The following HPN variants were observed in gnomAD, a reference collection of about 807,000 sequenced individuals.
The protein encoded by HPN is serine protease hepsin.
Under a neutral mutation model 55.9 loss-of-function variants are expected in HPN, and 13 were observed. The observed-to-expected ratio is 0.23, with a 90% CI of 0.15 to 0.37. The LOEUF (loss-of-function observed/expected upper bound fraction) is 0.37, where lower values mean the gene tolerates loss of function less well. Ranked by LOEUF, HPN falls within the 10% of genes least tolerant of loss-of-function variation. The pLI, the probability that HPN is intolerant of heterozygous loss-of-function variation, is 1.00. For missense variants in HPN, 451 were observed against 575.8 expected (o/e 0.78, Z 2.22); for synonymous variants, 225 against 240.3 (o/e 0.94, Z 0.59).
At chr19:35,045,337 C>T (rs548103650) in intron 2 of HPN, among the ~76,000 whole-genome samples, 108 of 152,148 alleles carry the variant, frequency 7.1e-4, no homozygotes, top group African/African-American at 2.4e-3. Flanking sequence ...AAATCAGGTG[C>T]GCCTGGTGTC....
intron 2 of HPN, among the ~76,000 whole-genome samples, chr19:35,044,966 G>A (rs1896540261): frequency 6.6e-6 from 1 of 152,108 alleles, no homozygotes; most frequent in Non-Finnish European, 1.5e-5. Context: ...TGTCGGGGGA[G>A]GGGAATGTTA....
At chr19:35,049,854 TTTGTTTG>T (rs947362138) in intron 4 of HPN, among the ~76,000 whole-genome samples, 8 of 93,472 alleles carry the variant, frequency 8.6e-5, no homozygotes, top group African/African-American at 2.8e-4. Flanking sequence ...TATGCTAATT[TTTGTTTG>T]TTTTTTTTTT....
intron 9 of HPN, 119 bp from the exon 10 acceptor site, chr19:35,065,131 T>G: frequency 1.5e-6 from 1 of 647,428 alleles, no homozygotes. Context: ...CTATTGTGGT[T>G]TTTTTTTTAA....
rs376770630 is a variant in HPN at position 35,045,874 on chromosome 19, C to T, written c.16+3352C>T. ...CAGATGCTTCCTGTCCCACTGGAGG[C>T]GCTGAAGTCCTCTGAACCACACAGC... is the stretch of plus-strand genomic sequence containing the variant. On this transcript the variant is annotated intron_variant, in intron 2 of 12. Coordinates refer to ENST00000672452, the MANE Select transcript of HPN (RefSeq NM_001384133.1). 7.2e-5 allele frequency among the ~76,000 whole-genome samples: 11 copies of T among 152,288 alleles called. No individual in the cohort carries two copies. In the East Asian group the frequency reaches 1.4e-3, roughly 19 times the overall value.
intron 9 of HPN, among the ~76,000 whole-genome samples, chr19:35,062,114 GAAGAA>G (rs905911809): frequency 2.6e-5 from 4 of 151,754 alleles, no homozygotes; most frequent in African/African-American, 7.3e-5. Flanking sequence ...AGGAAGAAAA[GAAGAA>G]AAGAAAAGGA....
chr19:35,049,883 A>G (rs1268165157), intron 4 of HPN, among the ~76,000 whole-genome samples: 4 of 142,416 alleles, frequency 2.8e-5, no homozygotes, highest in Non-Finnish European at 4.5e-5. Context: ...TTTTGCATCC[A>G]TATACATGTA....
At chr19:35,055,252 C>G (rs991784429) in intron 4 of HPN, among the ~76,000 whole-genome samples, 5 of 152,058 alleles carry the variant, frequency 3.3e-5, no homozygotes, top group Non-Finnish European at 7.4e-5. Flanking sequence ...AACAAATTAG[C>G]AGGGTGTGGT....
In HPN at chr19:35,066,006, C is replaced by T; in HGVS notation, c.1189C>T (p.Arg397Trp). 6.2e-7 allele frequency: 1 copy of T among 1,611,962 alleles called. No homozygotes were observed. Among genetic ancestry groups the T allele is most frequent in the Non-Finnish European group, 8.5e-7 (1 of 1,180,034 alleles). ...CGTCTACACCAAAGTCAGTGACTTC[C>T]GGGAGTGGATCTTCCAGGCCATAAA... ...PGVYTKVSDFREWIFQAIKTH... is the reference protein window; with the variant it reads ...PGVYTKVSDFWEWIFQAIKTH... Residue 397 changes from arginine (R) to tryptophan (W), a missense_variant, in exon 12 of 13, where the codon CGG (arginine) becomes TGG (tryptophan). Around this residue, in one of 2 missense-constraint regions of HPN, gnomAD observed 73 missense variants for 130.3 expected, o/e 0.56. Coordinates refer to ENST00000672452, the MANE Select transcript of HPN (RefSeq NM_001384133.1).
At position 35,065,454 on chromosome 19, in the gene HPN, G is replaced by A. The variant is rs886643620; in HGVS notation, c.908-85G>A. On this transcript the variant is annotated intron_variant, in intron 10 of 12. Transcript: ENST00000672452. ...AGTCTTGACCATGAGGAGTAGGGAC[G>A]CTGAGGGGAATGGGGTGGGCACCAG... The A allele has an allele frequency of 6.4e-6, 10 of 1,569,538 alleles. No homozygotes were observed. The Admixed American group carries it at 1.4e-4, about 23-fold the overall frequency.
intron 4 of HPN, among the ~76,000 whole-genome samples, chr19:35,052,827 G>C (rs2064418537): frequency 6.6e-6 from 1 of 152,158 alleles, no homozygotes; most frequent in African/African-American, 2.4e-5. Context: ...CTTGAGTTAT[G>C]AGTGCACCCA....
rs956916463 is a variant in HPN, at chr19:35,047,050, G to A, written c.17-2240G>A. Among the ~76,000 whole-genome samples the A allele has an allele frequency of 1.4e-4, 21 of 152,038 alleles. 1 individual carries two copies. The highest frequency in any genetic ancestry group is 4.1e-4 in the South Asian group (2 of 4,824). ...TCACCGTGTTAGCCAGGATGGTCTC[G>A]ATCTCCTGACCTCGTGATCTGCCCA... On this transcript the variant is annotated intron_variant, in intron 2 of 12. Transcript: ENST00000672452.
In HPN at chr19:35,064,316, G is replaced by GTC. The variant is rs1491140981; in HGVS notation, c.812-933_812-932insCT. Among the ~76,000 whole-genome samples the GTC allele has an allele frequency of 1.1e-4, 7 of 61,182 alleles. No individual in the cohort carries two copies. In the South Asian group the frequency reaches 2.7e-3, roughly 24 times the overall value. The allele number at this position is 61,182 out of a possible 152,430, so 40.1% of individuals were successfully genotyped here. On this transcript the variant is annotated intron_variant, in intron 9 of 12. Coordinates refer to ENST00000672452, the MANE Select transcript of HPN (RefSeq NM_001384133.1). ...GGAAGTCAAATGTCTCAAGATAGGA[G>GTC]TGTCTCTCTCTCTCTCTCTCTCTTT...
Position 35,041,851 on chromosome 19 carries a change from C to T in HPN, c.-76C>T. 7.4e-7 allele frequency: 1 copy of T among 1,342,516 alleles called. No homozygotes were observed. Among genetic ancestry groups the T allele is most frequent in the South Asian group, 1.2e-5 (1 of 86,616 alleles). The allele number at this position is 1,342,516 out of a possible 1,614,324, so 83.2% of individuals were successfully genotyped here. On this transcript the variant is annotated 5_prime_UTR_variant, in exon 1 of 13. Coordinates refer to ENST00000672452, the MANE Select transcript of HPN (RefSeq NM_001384133.1). Reference sequence around the variant, plus strand: ...ACCCCGGCACTACCTCGAGGCTCCGCCCCCACCTGCTGGACCCCAGGGTAA... The same window carrying T: ...ACCCCGGCACTACCTCGAGGCTCCGTCCCCACCTGCTGGACCCCAGGGTAA...
chr19:35,041,935 C>CAGTGATTTCTCAGCTAACTCTGGA, intron 1 of HPN, 63 bp downstream of exon 1: 1 of 1,261,070 alleles, frequency 7.9e-7, no homozygotes, highest in South Asian at 1.3e-5. Flanking sequence ...CCTCATCCCC[C>CAGTGATTTCTCAGCTAACTCTGGA]CACCCAGCCT....
chr19:35,045,648 GCCGCCTGTC>G (rs1568355211), intron 2 of HPN, among the ~76,000 whole-genome samples: 2 of 152,032 alleles, frequency 1.3e-5, no homozygotes, highest in Non-Finnish European at 2.9e-5. Context: ...ATGTTGACGT[GCCGCCTGTC>G]CCAGTAGAGA....
intron 9 of HPN, 119 bp from the exon 10 acceptor site, chr19:35,065,128 GGTT>G (rs2064589101): frequency 1.6e-6 from 1 of 641,038 alleles, no homozygotes; most frequent in Non-Finnish European, 2.7e-6. Flanking sequence ...AGCCTATTGT[GGTT>G]TTTTTTTTAA....
chr19:35,049,118 G>A (rs1430900143), intron 2 of HPN, among the ~76,000 whole-genome samples, 172 bp from the exon 3 acceptor site: 1 of 152,148 alleles, frequency 6.6e-6, no homozygotes, highest in African/African-American at 2.4e-5. Context: ...TTGTTCACAC[G>A]GCAGGGGAGG....
chr19:35,049,610 A>G (rs1167713065), intron 4 of HPN, 94 bp downstream of exon 4: 16 of 1,106,444 alleles, frequency 1.4e-5, no homozygotes, highest in Non-Finnish European at 2.1e-5. Context: ...ATAAATGCAC[A>G]AATGCATGCA....
At position 35,041,889 on chromosome 19, in the gene HPN, C is replaced by G; in HGVS notation, c.-55+17C>G. On this transcript the variant is annotated intron_variant, in intron 1 of 12. Coordinates refer to ENST00000672452, the MANE Select transcript of HPN (RefSeq NM_001384133.1). Reference sequence around the variant, plus strand: ...GACCCCAGGGTAAGGACAAGGGCCCCCAGACTCACAGTTCCAGCCCTGAGG... The same window carrying G: ...GACCCCAGGGTAAGGACAAGGGCCCGCAGACTCACAGTTCCAGCCCTGAGG... The G allele has an allele frequency of 7.5e-7, 1 of 1,332,644 alleles. No individual in the cohort carries two copies. Among genetic ancestry groups the G allele is most frequent in the Non-Finnish European group, 9.9e-7 (1 of 1,014,154 alleles). The allele number at this position is 1,332,644 out of a possible 1,614,324, so 82.6% of individuals were successfully genotyped here.
Sources: gnomAD v4.1 joint callset for allele counts (sites outside exome capture counted in the v4.1 genomes callset) on GRCh38, gnomAD v4.1.1 for gene constraint, gnomAD v4.1.1 regional missense constraint, MANE v1.5 for transcripts, NCBI Gene and HGNC (gene_info 2026-07-23, HGNC 2026-07-21) for gene names.